NADSYN1: variants seen among roughly 807,000 people sequenced by gnomAD.
The protein encoded by NADSYN1 is glutamine-dependent NAD(+) synthetase.
Under a neutral mutation model 99.3 loss-of-function variants are expected in NADSYN1, and 80 were observed. The observed-to-expected ratio is 0.81, with a 90% CI of 0.67 to 0.97. NADSYN1 has a LOEUF of 0.97. Ranked by LOEUF, NADSYN1 falls within the 50% of genes least tolerant of loss-of-function variation. The pLI is 0.00. For missense variants in NADSYN1, 859 were observed against 948.5 expected, an observed-to-expected ratio of 0.91 and a Z score of 1.24; for synonymous variants, 385 against 372.1, an observed-to-expected ratio of 1.03 and a Z score of -0.40.
At chr11:71,487,614 A>C (rs1015364474) in intron 16 of NADSYN1, among the ~76,000 whole-genome samples, 3 of 151,970 alleles carry the variant, frequency 2.0e-5, no homozygotes, top group African/African-American at 7.2e-5. Flanking sequence ...GGCAGATCAC[A>C]AGGTCAGGAG....
intron 10 of NADSYN1, 64 bp downstream of exon 10, chr11:71,478,533 G>A (rs945829549): frequency 1.1e-5 from 16 of 1,430,410 alleles, no homozygotes; most frequent in Middle Eastern, 4.0e-4. Context: ...GGCCCCATTC[G>A]TGCGGGCCTG....
Position 71,498,400 on chromosome 11 carries a change from C to T in NADSYN1, c.1942C>T (p.His648Tyr). ...RFFSKYSMNR[H>Y]KMTTLTPAYH... is the part of the protein sequence containing the mutation. The stretch of plus-strand genomic sequence containing the variant: ...TTTCTCCAAGTACTCCATGAACAGA[C>T]ACAAGATGACCACGCTCACACCCGC... The change falls in exon 20 of 21, where the codon CAC (histidine) becomes TAC (tyrosine). Residue 648 changes from histidine to tyrosine, a missense_variant. Transcript: ENST00000319023. 4 of 1,614,244 alleles carry T rather than the reference C, an allele frequency of 2.5e-6. No individual in the cohort carries two copies. Among genetic ancestry groups the T allele is most frequent in the Non-Finnish European group, 3.4e-6 (4 of 1,180,046 alleles).
At chr11:71,467,645 A>G (rs953505175) in intron 5 of NADSYN1, among the ~76,000 whole-genome samples, 4 of 152,228 alleles carry the variant, frequency 2.6e-5, no homozygotes, top group African/African-American at 9.6e-5. Context: ...ACTGAAAGAT[A>G]GACCTCTCCC....
At chr11:71,469,927 G>GAAAAAAAA (rs749801544) in intron 5 of NADSYN1, among the ~76,000 whole-genome samples, 8 of 109,180 alleles carry the variant, frequency 7.3e-5, no homozygotes, top group East Asian at 5.6e-4. Context: ...GCCTGTCTCA[G>GAAAAAAAA]AAAAAAAAAA....
chr11:71,494,932 T>A (rs866354479), intron 18 of NADSYN1, among the ~76,000 whole-genome samples: 5 of 152,216 alleles, frequency 3.3e-5, no homozygotes, highest in Admixed American at 6.5e-5. Context: ...CTCTTTTTTC[T>A]TGGTCATTTT....
At chr11:71,462,013 T>C (rs1368460994) in intron 3 of NADSYN1, among the ~76,000 whole-genome samples, 1 of 152,064 alleles carries the variant, frequency 6.6e-6, no homozygotes, top group East Asian at 1.9e-4. Context: ...TTCATCCCCA[T>C]TTTTGGGAGG....
intron 9 of NADSYN1, chr11:71,477,582 TA>T: frequency 3.5e-6 from 2 of 570,768 alleles, no homozygotes; most frequent in South Asian, 3.9e-5. Flanking sequence ...CACAATTTGA[TA>T]AAGATATTTT....
chr11:71,461,190 G>A lies in NADSYN1; in HGVS notation c.264-2242G>A, dbSNP rs1182122971. Among the ~76,000 whole-genome samples, 8 of 152,306 alleles carry A rather than the reference G, an allele frequency of 5.3e-5. No homozygotes were observed. The South Asian group carries it at 1.2e-3, about 24-fold the overall frequency. ...ATGTGTTCAGTGGTAAAATGGTCAC[G>A]TAGTGAAAGCGCCGCCCTGATCTGC... On this transcript the variant is annotated intron_variant, in intron 3 of 20. Coordinates refer to ENST00000319023, the MANE Select transcript of NADSYN1 (RefSeq NM_018161.5).
intron 3 of NADSYN1, 122 bp downstream of exon 3, chr11:71,458,666 C>A: frequency 2.8e-6 from 2 of 717,536 alleles, no homozygotes; most frequent in Non-Finnish European, 2.5e-6. Flanking sequence ...ATACGAAAGG[C>A]CTTATGCTTG....
chr11:71,470,780 C>T (rs949359260), intron 5 of NADSYN1, among the ~76,000 whole-genome samples: 4 of 152,186 alleles, frequency 2.6e-5, no homozygotes, highest in Non-Finnish European at 4.4e-5. Context: ...CAAAGGCTTT[C>T]GTTCTTTTGC....
intron 5 of NADSYN1, among the ~76,000 whole-genome samples, chr11:71,472,216 G>A (rs146969523): frequency 1.8e-4 from 27 of 152,256 alleles, no homozygotes; most frequent in South Asian, 1.0e-3. Flanking sequence ...GAGGCAGCCC[G>A]AAGCTCGGAG....
chr11:71,469,217 G>A (rs914750774), intron 5 of NADSYN1, among the ~76,000 whole-genome samples: 1 of 152,148 alleles, frequency 6.6e-6, no homozygotes, highest in Non-Finnish European at 1.5e-5. Context: ...CAGCACTTTG[G>A]GAGGCCAAAG....
chr11:71,465,848 C>T (rs781637497), intron 5 of NADSYN1, among the ~76,000 whole-genome samples: 2 of 152,204 alleles, frequency 1.3e-5, no homozygotes, highest in Non-Finnish European at 2.9e-5. Flanking sequence ...ATTAAATTCT[C>T]CTATTGTGTC....
intron 2 of NADSYN1, among the ~76,000 whole-genome samples, chr11:71,457,247 C>G (rs1250661727): frequency 6.6e-6 from 1 of 152,284 alleles, no homozygotes; most frequent in Non-Finnish European, 1.5e-5. Flanking sequence ...ACTGGGACAT[C>G]TCCTGGATGC....
chr11:71,501,050 C>T (rs779904967), intron 20 of NADSYN1, among the ~76,000 whole-genome samples: 4 of 152,094 alleles, frequency 2.6e-5, no homozygotes, highest in East Asian at 1.9e-4. Flanking sequence ...AAAAGAGTGA[C>T]GCATGTGGGA....
At chr11:71,472,027 T>C (rs2120438948) in intron 5 of NADSYN1, among the ~76,000 whole-genome samples, 1 of 152,308 alleles carries the variant, frequency 6.6e-6, no homozygotes, top group Admixed American at 6.5e-5. Context: ...ATCATTTTAT[T>C]CCAGGGATGA....
intron 5 of NADSYN1, among the ~76,000 whole-genome samples, chr11:71,464,664 G>C (rs545281179): frequency 6.6e-6 from 1 of 152,112 alleles, no homozygotes; most frequent in South Asian, 2.1e-4. Flanking sequence ...TCAGGAGATC[G>C]AGACCATCCT....
chr11:71,484,211 T>A, intron 14 of NADSYN1, 101 bp from the exon 15 acceptor site: 1 of 1,504,352 alleles, frequency 6.6e-7, no homozygotes, highest in South Asian at 1.3e-5. Flanking sequence ...TTAAATGGGT[T>A]ACAATGGTCA....
At chr11:71,474,581 C>G in intron 9 of NADSYN1, 55 bp downstream of exon 9, 1 of 1,609,158 alleles carries the variant, frequency 6.2e-7, no homozygotes, top group Non-Finnish European at 8.5e-7. Context: ...AGAGACCGAG[C>G]TCCTGGCTCT....
Sources: allele counts gnomAD v4.1 joint callset (sites outside exome capture counted in the v4.1 genomes callset), GRCh38; gene constraint gnomAD v4.1.1; transcripts MANE v1.5; gene names NCBI Gene and HGNC (gene_info 2026-07-23, HGNC 2026-07-21).